DAPK2: variants seen among roughly 807,000 people sequenced by gnomAD.
DAPK2 encodes the protein death-associated protein kinase 2.
Under a neutral mutation model 44.1 loss-of-function variants are expected in DAPK2, and 35 were observed. The observed-to-expected ratio is 0.79, with a 90% CI of 0.61 to 1.05. DAPK2 has a LOEUF of 1.05. Ranked by LOEUF, DAPK2 falls within the 50% of genes least tolerant of loss-of-function variation. DAPK2 has a pLI of 0.00. For missense variants in DAPK2, 453 were observed against 483.2 expected, an observed-to-expected ratio of 0.94 and a Z score of 0.59; for synonymous variants, 174 against 182.6, an observed-to-expected ratio of 0.95 and a Z score of 0.38.
chr15:63,967,952 G>T (rs747795225), intron 3 of DAPK2, among the ~76,000 whole-genome samples: 2 of 152,222 alleles, frequency 1.3e-5, no homozygotes, highest in Non-Finnish European at 2.9e-5. Flanking sequence ...TGCTGGCTGT[G>T]TTCCTGGGGC....
At chr15:63,922,795 G>A (rs973016409) in intron 8 of DAPK2, 1 of 1,535,714 alleles carries the variant, frequency 6.5e-7, no homozygotes, top group Non-Finnish European at 8.7e-7. Flanking sequence ...GCTCTGACAG[G>A]GATTCACTGG....
rs995368480 is a variant in DAPK2, at chr15:63,971,311, A to T, written c.453+112T>A. 3.8e-6 allele frequency: 5 copies of T among 1,310,844 alleles called. No homozygotes were observed. The Admixed American group carries it at 1.1e-4, about 29-fold the overall frequency. 81.2% of individuals were successfully genotyped at this position (1,310,844 alleles called of 1,614,324 possible). On this transcript the variant is annotated intron_variant, in intron 3 of 10. Coordinates refer to ENST00000261891, the Ensembl canonical transcript of DAPK2. The stretch of plus-strand genomic sequence containing the variant: ...CCATGAGCTCAGGGTTTTTCACTGT[A>T]AGATGAGAAAGAAGGGCTGGTCGGC...
intron 2 of DAPK2, among the ~76,000 whole-genome samples, chr15:63,978,214 C>T (rs551136923): frequency 6.6e-6 from 1 of 152,314 alleles, no homozygotes; most frequent in East Asian, 1.9e-4. Flanking sequence ...GAGCTCTCTG[C>T]AAATTTTCAC....
rs527276834 is a variant in DAPK2, at chr15:64,046,063, C to T, written c.-7+235G>A. Among the ~76,000 whole-genome samples, 223 of 152,322 alleles carry T rather than the reference C, an allele frequency of 1.5e-3. No individual in the cohort carries two copies. The highest frequency in any genetic ancestry group is 5.0e-3 in the African/African-American group (209 of 41,580). On this transcript the variant is annotated intron_variant, in intron 1 of 11. Transcript: ENST00000457488. The surrounding 1 kb of genome is among the most constrained non-coding windows in gnomAD (Gnocchi z 5.3). ...TGCCCGCCGCCTCTACCCTGTCTCC[C>T]AGGTCAAAGTGCCAGGCTCCGGAGG...
intron 6 of DAPK2, among the ~76,000 whole-genome samples, chr15:63,926,406 C>T (rs1263487109): frequency 2.0e-5 from 3 of 151,928 alleles, no homozygotes; most frequent in African/African-American, 7.3e-5. Context: ...TAATGGAAGG[C>T]CAGCCAAAGG....
At chr15:63,995,769 G>A (rs190681878) in intron 1 of DAPK2, among the ~76,000 whole-genome samples, 2 of 152,360 alleles carry the variant, frequency 1.3e-5, no homozygotes, top group African/African-American at 4.8e-5. Flanking sequence ...GGCATTGGAG[G>A]GTGAGCAGGT....
intron 3 of DAPK2, among the ~76,000 whole-genome samples, chr15:63,959,960 T>A (rs979757076): frequency 4.6e-5 from 7 of 152,250 alleles, no homozygotes; most frequent in Non-Finnish European, 1.0e-4. Flanking sequence ...TCTGGTAGAA[T>A]TCGGCTGTGA....
rs2078703399 is a variant in DAPK2 at position 63,908,510 on chromosome 15, G to A, written c.*10C>T. On this transcript the variant is annotated 3_prime_UTR_variant, in exon 11 of 11. Coordinates refer to ENST00000261891, the Ensembl canonical transcript of DAPK2. This position sits in a 1 kb window ranked among gnomAD's most constrained non-coding sequence, Gnocchi z 5.7. ...CAGACCTCCCTGGCGGCCACTGCAG[G>A]TCAGGCCAGTTAGGAGGTGCTGCTC... is the stretch of plus-strand genomic sequence containing the variant. 1.9e-6 allele frequency: 3 copies of A among 1,577,656 alleles called. No individual in the cohort carries two copies. In the African/African-American group the frequency reaches 4.0e-5, roughly 21 times the overall value.
At chr15:64,031,209 A>G (rs1380883867) in intron 1 of DAPK2, among the ~76,000 whole-genome samples, 1 of 151,796 alleles carries the variant, frequency 6.6e-6, no homozygotes, top group East Asian at 1.9e-4. Flanking sequence ...AGTACTCAGC[A>G]CAGATACTCA....
rs200347768 is a variant in DAPK2 at position 63,939,405 on chromosome 15, G to GA, written c.454-45dup. ...AAAAAAAAAAAAGGAAGGAAGAAAA[G>GA]AAAAAAAAAGACGGTAATTAAAGGC... On this transcript the variant is annotated intron_variant, in intron 3 of 10. Transcript: ENST00000261891. This position sits in a 1 kb window ranked among gnomAD's most constrained non-coding sequence, Gnocchi z 4.3. The GA allele has an allele frequency of 7.5e-4, 1,102 of 1,460,142 alleles. No homozygotes were observed. Among genetic ancestry groups the GA allele is most frequent in the South Asian group, 1.0e-3 (79 of 77,220 alleles). The allele number at this position is 1,460,142 out of a possible 1,614,324, so 90.4% of individuals were successfully genotyped here.
chr15:63,933,080 C>T (rs549278850), intron 4 of DAPK2, among the ~76,000 whole-genome samples: 1 of 152,138 alleles, frequency 6.6e-6, no homozygotes. Flanking sequence ...TTCTTTAGGT[C>T]AGTGATAATT....
Position 64,013,532 on chromosome 15 carries a change from G to A in DAPK2, c.92+26638C>T, listed in dbSNP as rs2079443606. ...TACCTTAAGAAAACATGAGGAGAAG[G>A]GGCAAGAACTTTAAAAGTAGAAAAA... On this transcript the variant is annotated intron_variant, in intron 1 of 10. Coordinates refer to ENST00000261891, the Ensembl canonical transcript of DAPK2. The surrounding 1 kb of genome is among the most constrained non-coding windows in gnomAD (Gnocchi z 4.7). Among the ~76,000 whole-genome samples, 1 of 152,026 alleles carries A rather than the reference G, an allele frequency of 6.6e-6. No individual in the cohort carries two copies.
exon 5 of DAPK2, chr15:63,930,429 G>A: frequency 6.2e-7 from 1 of 1,614,202 alleles, no homozygotes; most frequent in African/African-American, 1.3e-5. Flanking sequence ...TCCAGACCCA[G>A]GGGCTCGTAG....
At chr15:64,028,881 A>G (rs535782184) in intron 1 of DAPK2, among the ~76,000 whole-genome samples, 6 of 152,334 alleles carry the variant, frequency 3.9e-5, no homozygotes, top group South Asian at 4.1e-4. Flanking sequence ...ACTGGTATAC[A>G]TAGGTCAAGG....
At chr15:63,971,716 T>G (rs1309082160) in intron 2 of DAPK2, among the ~76,000 whole-genome samples, 155 bp from the exon 4 acceptor site, 1 of 152,246 alleles carries the variant, frequency 6.6e-6, no homozygotes, top group Non-Finnish European at 1.5e-5. Context: ...GTCTGTCCAG[T>G]GCCAGGGACT....
At position 63,980,369 on chromosome 15, in the gene DAPK2, G is replaced by A. The variant is rs1245014066; in HGVS notation, c.314+3164C>T. Among the ~76,000 whole-genome samples, 3 of 152,180 alleles carry A rather than the reference G, an allele frequency of 2.0e-5. No individual in the cohort carries two copies. The highest frequency in any genetic ancestry group is 1.3e-4 in the Admixed American group (2 of 15,280). ...ATTAAAGGCATGCCAATTATAGTAAGAAAGTATCAATTTATAGCTATAAAG... is the reference window on the plus strand; with the variant it reads ...ATTAAAGGCATGCCAATTATAGTAAAAAAGTATCAATTTATAGCTATAAAG... On this transcript the variant is annotated intron_variant, in intron 2 of 10. Coordinates refer to ENST00000261891, the Ensembl canonical transcript of DAPK2. The surrounding 1 kb of genome is among the most constrained non-coding windows in gnomAD (Gnocchi z 4.3).
rs1386360084 is a variant in DAPK2 at position 63,912,964 on chromosome 15, T to C, written c.859-767A>G. On this transcript the variant is annotated intron_variant, in intron 8 of 10. Transcript: ENST00000261891. The surrounding 1 kb of genome is among the most constrained non-coding windows in gnomAD (Gnocchi z 4.4). ...AAATCAAGAGATAGGTTTCAGGGGT[T>C]CTGTGAACAAAATGTGCCTATATAT... Among the ~76,000 whole-genome samples, 1 of 152,196 alleles carries C rather than the reference T, an allele frequency of 6.6e-6. No homozygotes were observed. The highest frequency in any genetic ancestry group is 1.5e-5 in the Non-Finnish European group (1 of 68,046).
chr15:63,950,354 T>C (rs891935085), intron 3 of DAPK2, among the ~76,000 whole-genome samples: 1 of 152,076 alleles, frequency 6.6e-6, no homozygotes, highest in Non-Finnish European at 1.5e-5. Flanking sequence ...TAGCTGGGCC[T>C]ACAGGCATGT....
At chr15:63,940,148 C>G (rs1426204568) in intron 3 of DAPK2, among the ~76,000 whole-genome samples, 3 of 152,214 alleles carry the variant, frequency 2.0e-5, no homozygotes, top group Non-Finnish European at 4.4e-5. Flanking sequence ...TCCCACCCAA[C>G]CACTCAGACT....
Sources: gnomAD v4.1 joint callset for allele counts (sites outside exome capture counted in the v4.1 genomes callset) on GRCh38, gnomAD v4.1.1 for gene constraint, Gnocchi (gnomAD v3.1) non-coding constraint, MANE v1.5 for transcripts, NCBI Gene and HGNC (gene_info 2026-07-23, HGNC 2026-07-21) for gene names.